Variants in SORBS2 observed in about 807,000 individuals in gnomAD.
SORBS2 encodes the protein sorbin and SH3 domain-containing protein 2.
Under a neutral mutation model 97.7 loss-of-function variants are expected in SORBS2, and 46 were observed. The ratio of observed to expected loss-of-function variants is 0.47; its 90% CI spans 0.37 to 0.60. The LOEUF is 0.60. Ranked by LOEUF, SORBS2 falls within the 20% of genes least tolerant of loss-of-function variation. SORBS2 has a pLI of 0.00. For missense variants in SORBS2, 1,316 were observed against 1,282.3 expected, an observed-to-expected ratio of 1.03 and a Z score of -0.40; for synonymous variants, 476 against 473.4, an observed-to-expected ratio of 1.01 and a Z score of -0.07.
chr4:185,837,673 A>C (rs540119052), intron 1 of SORBS2, among the ~76,000 whole-genome samples: 29 of 152,292 alleles, frequency 1.9e-4, no homozygotes, highest in African/African-American at 6.5e-4. Context: ...CGTTTCATAC[A>C]AATGTAACTG....
In SORBS2 at chr4:185,623,485, A is replaced by ATGGTGGTGG; in HGVS notation, c.1635_1643dup (p.His552_His554dup). On this transcript the variant is annotated inframe_insertion, in exon 7 of 15. Transcript: ENST00000418609. The surrounding 1 kb of genome is among the most constrained non-coding windows in gnomAD (Gnocchi z 6.4). ...GGTGGCGGTGGTGGTGGTGGTGGTG[A>ATGGTGGTGG]TGGTGGTGGTGGTGGCTGGATCCGT... The ATGGTGGTGG allele has an allele frequency of 1.2e-6, 2 of 1,612,340 alleles. No homozygotes were observed. Among genetic ancestry groups the ATGGTGGTGG allele is most frequent in the Non-Finnish European group, 1.7e-6 (2 of 1,179,762 alleles).
At chr4:185,847,237 C>T (rs1188793143) in intron 1 of SORBS2, among the ~76,000 whole-genome samples, 1 of 152,150 alleles carries the variant, frequency 6.6e-6, no homozygotes, top group African/African-American at 2.4e-5. Flanking sequence ...TAGTAGGAAA[C>T]AATCTGTTCT....
At chr4:185,809,823 C>T (rs537733983) in intron 1 of SORBS2, among the ~76,000 whole-genome samples, 2 of 152,306 alleles carry the variant, frequency 1.3e-5, no homozygotes, top group Admixed American at 1.3e-4. Context: ...GCAACAGGCA[C>T]AGCAGTCGGG....
At position 185,823,176 on chromosome 4, in the gene SORBS2, C is replaced by T. The variant is rs187019407; in HGVS notation, c.-337-47810G>A. Among the ~76,000 whole-genome samples the T allele has an allele frequency of 5.4e-4, 83 of 152,304 alleles. 1 individual carries two copies. Among genetic ancestry groups the T allele is most frequent in the Non-Finnish European group, 6.8e-4 (46 of 68,024 alleles). ...GACCATACCTTCCTTCTTTCCCCTC[C>T]GGCCTCCTTTTCCCCTTTATGTACC... is the stretch of plus-strand genomic sequence containing the variant. On this transcript the variant is annotated intron_variant, in intron 1 of 20. Coordinates refer to the SORBS2 transcript ENST00000284776.
At position 185,623,485 on chromosome 4, in the gene SORBS2, ATGG is replaced by A. The variant is rs748510103; in HGVS notation, c.1641_1643del (p.His554del). Reference sequence around the variant, plus strand: ...GGTGGCGGTGGTGGTGGTGGTGGTGATGGTGGTGGTGGTGGCTGGATCCGTAAA... The same window carrying A: ...GGTGGCGGTGGTGGTGGTGGTGGTGATGGTGGTGGTGGCTGGATCCGTAAA... On this transcript the variant is annotated inframe_deletion, in exon 7 of 15. Transcript: ENST00000418609. The surrounding 1 kb of genome is among the most constrained non-coding windows in gnomAD (Gnocchi z 6.4). The A allele has an allele frequency of 5.6e-6, 9 of 1,612,168 alleles. No individual in the cohort carries two copies. Among genetic ancestry groups the A allele is most frequent in the African/African-American group, 1.3e-5 (1 of 74,734 alleles).
chr4:185,643,193 G>A (rs1468806612), intron 4 of SORBS2, among the ~76,000 whole-genome samples: 2 of 152,226 alleles, frequency 1.3e-5, no homozygotes, highest in Non-Finnish European at 2.9e-5. Context: ...CACATTCCCT[G>A]GGGGAGGTGG....
intron 1 of SORBS2, among the ~76,000 whole-genome samples, chr4:185,849,027 G>A (rs905130772): frequency 3.3e-5 from 5 of 152,138 alleles, no homozygotes; most frequent in Non-Finnish European, 5.9e-5. Flanking sequence ...TAGGTGGTAC[G>A]AAAAGGTTGG....
At chr4:185,839,280 G>T (rs989394618) in intron 1 of SORBS2, among the ~76,000 whole-genome samples, 1 of 152,242 alleles carries the variant, frequency 6.6e-6, no homozygotes, top group Non-Finnish European at 1.5e-5. Context: ...TTGGAGCAGA[G>T]AAAGAGGGCA....
chr4:185,790,618 G>A (rs1584891298), intron 1 of SORBS2, among the ~76,000 whole-genome samples: 1 of 152,126 alleles, frequency 6.6e-6, no homozygotes, highest in Non-Finnish European at 1.5e-5. Context: ...ATTTATTTGT[G>A]CAGCCATATA....
chr4:185,950,028 C>T (rs1045544845), intron 1 of SORBS2, among the ~76,000 whole-genome samples: 2 of 152,096 alleles, frequency 1.3e-5, no homozygotes, highest in South Asian at 2.1e-4. Flanking sequence ...CCAAGGCGGG[C>T]GGATCATGAG....
chr4:185,663,848 CTTTTT>C (rs56177449), intron 4 of SORBS2, among the ~76,000 whole-genome samples: 4 of 80,978 alleles, frequency 4.9e-5, no homozygotes, highest in African/African-American at 9.3e-5. Flanking sequence ...TAGATTTATT[CTTTTT>C]TTTTTTTTTT....
chr4:185,628,545 A>G (rs1243295981), intron 5 of SORBS2, among the ~76,000 whole-genome samples: 1 of 152,208 alleles, frequency 6.6e-6, no homozygotes, highest in African/African-American at 2.4e-5. Flanking sequence ...CAAGGTCAGG[A>G]GTTTGAGACC....
At chr4:185,938,389 T>TACACACATACAC (rs35369073) in intron 1 of SORBS2, among the ~76,000 whole-genome samples, 183 of 136,522 alleles carry the variant, frequency 1.3e-3, no homozygotes, top group African/African-American at 4.9e-3. Context: ...TGTAGACACA[T>TACACACATACAC]ACACACACAC....
At chr4:185,722,566 T>C (rs562898614) in intron 2 of SORBS2, among the ~76,000 whole-genome samples, 1 of 152,316 alleles carries the variant, frequency 6.6e-6, no homozygotes, top group Admixed American at 6.5e-5. Context: ...GTGTCTGGCA[T>C]CTGATTGGTG....
At chr4:185,624,232 G>A (rs1329173058) in exon 7 of SORBS2, 1 of 1,614,188 alleles carries the variant, frequency 6.2e-7, no homozygotes, top group Admixed American at 1.7e-5. Context: ...TCGGGTCCGG[G>A]AAGCTATCGC....
intron 1 of SORBS2, among the ~76,000 whole-genome samples, chr4:185,790,302 A>G (rs576444427): frequency 6.6e-6 from 1 of 152,190 alleles, no homozygotes; most frequent in Non-Finnish European, 1.5e-5. Flanking sequence ...GTAAAACACA[A>G]AAATAATGAT....
intron 1 of SORBS2, among the ~76,000 whole-genome samples, chr4:185,801,800 C>G (rs1401127403): frequency 6.6e-6 from 1 of 152,176 alleles, no homozygotes; most frequent in African/African-American, 2.4e-5. Context: ...AAGTTCATCT[C>G]AAAGTTGGCC....
chr4:185,620,556 C>T (rs929029653), intron 7 of SORBS2, among the ~76,000 whole-genome samples: 3 of 151,884 alleles, frequency 2.0e-5, no homozygotes, highest in African/African-American at 4.8e-5. Context: ...TTGAAAATAG[C>T]AACAATTTGT....
intron 3 of SORBS2, among the ~76,000 whole-genome samples, chr4:185,647,037 G>C (rs907355161): frequency 6.6e-6 from 1 of 152,202 alleles, no homozygotes; most frequent in Non-Finnish European, 1.5e-5. Context: ...CTTAAAATAG[G>C]TGGCAGTATG....
Sources: allele counts gnomAD v4.1 joint callset (sites outside exome capture counted in the v4.1 genomes callset), GRCh38; gene constraint gnomAD v4.1.1; non-coding constraint Gnocchi (gnomAD v3.1); transcripts MANE v1.5; gene names NCBI Gene and HGNC (gene_info 2026-07-23, HGNC 2026-07-21).